Variants in DHX57 observed in about 807,000 individuals in gnomAD.
The protein encoded by DHX57 is DExH-box helicase 57.
Under a neutral mutation model 156.2 loss-of-function variants are expected in DHX57, and 105 were observed. The observed-to-expected ratio is 0.67, with a 90% CI of 0.57 to 0.79. The LOEUF is 0.79. Ranked by LOEUF, DHX57 falls within the 30% of genes least tolerant of loss-of-function variation. The pLI, the probability that DHX57 is intolerant of heterozygous loss-of-function variation, is 0.00. For missense variants in DHX57, 1,847 were observed against 1,661.9 expected (o/e 1.11, Z -1.94); for synonymous variants, 704 against 595.6 (o/e 1.18, Z -2.65).
At chr2:38,828,722 CAAA>C (rs775943686) in intron 13 of DHX57, among the ~76,000 whole-genome samples, 14 of 100,080 alleles carry the variant, frequency 1.4e-4, no homozygotes, top group Non-Finnish European at 1.3e-4. Context: ...GACCCTTTCT[CAAA>C]AAAAAAAAAA....
chr2:38,838,071 T>C (rs979872569), intron 12 of DHX57, 124 bp from the exon 13 acceptor site: 16 of 676,282 alleles, frequency 2.4e-5, no homozygotes, highest in Non-Finnish European at 1.0e-5. Context: ...AGCACAGATA[T>C]TAACATTTAA....
Position 38,847,018 on chromosome 2 carries a change from C to T in DHX57, c.2219+1G>A. 3.7e-6 allele frequency: 6 copies of T among 1,611,978 alleles called. No individual in the cohort carries two copies. Among genetic ancestry groups the T allele is most frequent in the Non-Finnish European group, 5.1e-6 (6 of 1,178,326 alleles). On this transcript the variant is annotated splice_donor_variant, in intron 11 of 23. Transcript: ENST00000457308. LOFTEE classifies it high-confidence loss of function. ...TGAATCTTAATTAATATCTTCCTTACCTTGTCACAGCAATTGCATCTTCCA... is the reference window on the plus strand; with the variant it reads ...TGAATCTTAATTAATATCTTCCTTATCTTGTCACAGCAATTGCATCTTCCA...
At chr2:38,825,055 T>A (rs1671022363) in intron 16 of DHX57, among the ~76,000 whole-genome samples, 1 of 152,118 alleles carries the variant, frequency 6.6e-6, no homozygotes, top group African/African-American at 2.4e-5. Context: ...AGAAAAAGAG[T>A]TCTCATTTTA....
chr2:38,841,153 T>C (rs928114462), intron 12 of DHX57, among the ~76,000 whole-genome samples: 3 of 152,188 alleles, frequency 2.0e-5, no homozygotes, highest in Non-Finnish European at 4.4e-5. Flanking sequence ...CATAATTTAA[T>C]GGAATAAGGG....
At chr2:38,841,879 A>T (rs1384863446) in intron 12 of DHX57, among the ~76,000 whole-genome samples, 2 of 152,230 alleles carry the variant, frequency 1.3e-5, no homozygotes, top group Non-Finnish European at 2.9e-5. Flanking sequence ...TAACATACAT[A>T]AAAAGCTCAG....
At chr2:38,823,316 G>A (rs777318126) in intron 16 of DHX57, 47 bp from the exon 17 acceptor site, 6 of 1,552,696 alleles carry the variant, frequency 3.9e-6, no homozygotes, top group African/African-American at 1.4e-5. Flanking sequence ...TTTCTGGTGG[G>A]ATGACACAGA....
In DHX57 at chr2:38,858,928, A is replaced by G. The variant is rs1572701976; in HGVS notation, c.1412-92T>C. On this transcript the variant is annotated intron_variant, in intron 5 of 23. Coordinates refer to ENST00000457308, the MANE Select transcript of DHX57 (RefSeq NM_198963.3). ...GTCTAACAGAGTATCAACAACAAAA[A>G]GTCAAAATGGAGAAAAAGTGAAAAC... 11 of 1,301,114 alleles carry G rather than the reference A, an allele frequency of 8.5e-6. No homozygotes were observed. The East Asian group carries it at 2.7e-4, about 32-fold the overall frequency. The allele number at this position is 1,301,114 out of a possible 1,614,324, so 80.6% of individuals were successfully genotyped here.
At chr2:38,834,082 C>A (rs1362217870) in intron 13 of DHX57, among the ~76,000 whole-genome samples, 3 of 152,074 alleles carry the variant, frequency 2.0e-5, no homozygotes, top group Admixed American at 6.5e-5. Flanking sequence ...GTAATCCCAG[C>A]ACTTTGGGAG....
chr2:38,823,363 G>A, intron 16 of DHX57, 94 bp from the exon 17 acceptor site: 1 of 1,276,388 alleles, frequency 7.8e-7, no homozygotes, highest in South Asian at 1.6e-5. Flanking sequence ...TAATTTACAA[G>A]TTTAAATAAA....
intron 1 of DHX57, among the ~76,000 whole-genome samples, chr2:38,869,317 A>G: frequency 6.6e-6 from 1 of 152,140 alleles, no homozygotes; most frequent in South Asian, 2.1e-4. Flanking sequence ...GTTCAAACCT[A>G]AAGGTGCTTT....
intron 13 of DHX57, among the ~76,000 whole-genome samples, chr2:38,832,090 G>C (rs192242247): frequency 6.6e-6 from 1 of 152,238 alleles, no homozygotes; most frequent in African/African-American, 2.4e-5. Flanking sequence ...CTCACTACTT[G>C]CCAAGTAAAA....
rs758314882 is a variant in DHX57, at chr2:38,813,830, A to G, written c.3672T>C (p.Asn1224=). ...SAMLCAALYP[N]VVQVKSPEGK... Reference sequence around the variant, plus strand: ...AAAAATGTTTTGTTACCTGCACTACATTTGGATACAAAGCAGCACACAGCA... The same window carrying G: ...AAAAATGTTTTGTTACCTGCACTACGTTTGGATACAAAGCAGCACACAGCA... The change falls in exon 21 of 24, where the codon AAT becomes AAC. Residue 1224 remains asparagine, a synonymous_variant. Coordinates refer to ENST00000457308, the MANE Select transcript of DHX57 (RefSeq NM_198963.3). 7 of 1,613,662 alleles carry G rather than the reference A, an allele frequency of 4.3e-6. No homozygotes were observed. The East Asian group carries it at 1.3e-4, about 31-fold the overall frequency.
In DHX57 at chr2:38,825,037, C is replaced by T. The variant is rs549837543; in HGVS notation, c.3014+810G>A. Among the ~76,000 whole-genome samples the T allele has an allele frequency of 1.5e-3, 222 of 152,184 alleles. 3 individuals carry two copies. Among genetic ancestry groups the T allele is most frequent in the South Asian group, 1.2e-3 (6 of 4,810 alleles). ...AAAAACTAGTGTTTTAAATTATGAA[C>T]TTCATTCAGAAAAAGAGTTCTCATT... is the stretch of plus-strand genomic sequence containing the variant. On this transcript the variant is annotated intron_variant, in intron 16 of 23. Transcript: ENST00000457308.
chr2:38,858,923 C>A, intron 5 of DHX57, 87 bp from the exon 6 acceptor site: 2 of 1,313,134 alleles, frequency 1.5e-6, no homozygotes, highest in Non-Finnish European at 2.0e-6. Context: ...GTATCAACAA[C>A]AAAAAGTCAA....
At chr2:38,813,127 T>A (rs1670356196) in intron 21 of DHX57, among the ~76,000 whole-genome samples, 2 of 152,122 alleles carry the variant, frequency 1.3e-5, no homozygotes, top group Non-Finnish European at 2.9e-5. Context: ...ATTACAGGCG[T>A]GAGCCACCAT....
chr2:38,803,180 G>C (rs1014488674), intron 22 of DHX57, among the ~76,000 whole-genome samples: 3 of 151,494 alleles, frequency 2.0e-5, no homozygotes, highest in African/African-American at 7.3e-5. Flanking sequence ...GTCTCACCAT[G>C]TTGCCCAGGC....
At chr2:38,831,684 G>A (rs1671390169) in intron 13 of DHX57, among the ~76,000 whole-genome samples, 2 of 151,288 alleles carry the variant, frequency 1.3e-5, no homozygotes, top group Non-Finnish European at 2.9e-5. Flanking sequence ...GTGAAACCCT[G>A]TCTCTACTAA....
In DHX57 at chr2:38,858,778, T is replaced by C; in HGVS notation, c.1470A>G (p.Ile490Met). 3 of 1,614,150 alleles carry C rather than the reference T, an allele frequency of 1.9e-6. No homozygotes were observed. Among genetic ancestry groups the C allele is most frequent in the Non-Finnish European group, 2.5e-6 (3 of 1,180,022 alleles). Reference protein sequence around the residue: ...SDEDDGPAPVIVENESYVNLK... With the variant: ...SDEDDGPAPVMVENESYVNLK... ...GGTTCACATAGCTTTCATTCTCTACTATAACAGGTGCAGGACCGTCATCCT... is the reference window on the plus strand; with the variant it reads ...GGTTCACATAGCTTTCATTCTCTACCATAACAGGTGCAGGACCGTCATCCT... The change falls in exon 6 of 24, where the codon ATA becomes ATG. Residue 490 changes from isoleucine (I) to methionine (M), a missense_variant. Ile to Met is a conservative substitution (Grantham distance 10). Transcript: ENST00000457308.
chr2:38,871,197 C>G (rs1478364467), intron 1 of DHX57, among the ~76,000 whole-genome samples: 1 of 152,108 alleles, frequency 6.6e-6, no homozygotes, highest in Non-Finnish European at 1.5e-5. Flanking sequence ...AGTATTGTCT[C>G]TTCTTTTCTC....
Sources: gnomAD v4.1 joint callset for allele counts (sites outside exome capture counted in the v4.1 genomes callset) on GRCh38, gnomAD v4.1.1 for gene constraint, MANE v1.5 for transcripts, NCBI Gene and HGNC (gene_info 2026-07-23, HGNC 2026-07-21) for gene names.